Variants in ZC3H18 observed in about 807,000 individuals in gnomAD.
ZC3H18 encodes zinc finger CCCH domain-containing protein 18.
A neutral mutation model predicts 106.1 loss-of-function variants in ZC3H18; 8 were observed. That is an observed-to-expected ratio of 0.08 (90% CI 0.04 to 0.14). ZC3H18 has a LOEUF of 0.14. Ranked by LOEUF, ZC3H18 falls within the 10% of genes least tolerant of loss-of-function variation. The probability of loss-of-function intolerance (pLI) is 1.00; values close to 1 mark genes in which losing one functional copy is unlikely to be tolerated. For synonymous variants in ZC3H18, 635 were observed against 522.1 expected (o/e 1.22, Z -2.95); for missense variants, 1,318 against 1,278.4 (o/e 1.03, Z -0.47).
At chr16:88,615,031 C>A (rs1303959538) in intron 8 of ZC3H18, among the ~76,000 whole-genome samples, 1 of 149,104 alleles carries the variant, frequency 6.7e-6, no homozygotes, top group Non-Finnish European at 1.5e-5. Context: ...GTTTGACAGG[C>A]TGCCCCCACC....
At chr16:88,586,462 T>G in intron 2 of ZC3H18, 138 bp from the exon 3 acceptor site, 4 of 731,204 alleles carry the variant, frequency 5.5e-6, no homozygotes, top group Non-Finnish European at 7.2e-6. Flanking sequence ...GGACCTAAGA[T>G]TTGGAAAATT....
In ZC3H18 at chr16:88,596,185, G is replaced by C. The variant is rs935563990; in HGVS notation, c.689-1993G>C. 2.0e-5 allele frequency among the ~76,000 whole-genome samples: 3 copies of C among 152,158 alleles called. No homozygotes were observed. The South Asian group carries it at 6.2e-4, about 32-fold the overall frequency. On this transcript the variant is annotated intron_variant, in intron 3 of 17. Coordinates refer to ENST00000301011, the MANE Select transcript of ZC3H18 (RefSeq NM_144604.4). ...TCAGCTTGCTCTTTGGCGCTCACTG[G>C]TTTGTTCTCTTCTGCCTTGTTCCTC...
intron 2 of ZC3H18, among the ~76,000 whole-genome samples, chr16:88,584,214 G>C (rs1420859417): frequency 1.3e-5 from 2 of 152,190 alleles, no homozygotes; most frequent in South Asian, 2.1e-4. Context: ...CTGAGGTCAG[G>C]AGTTCAAGAC....
chr16:88,603,676 G>C (rs947349174), intron 6 of ZC3H18, among the ~76,000 whole-genome samples: 1 of 148,276 alleles, frequency 6.7e-6, no homozygotes, highest in African/African-American at 2.5e-5. Context: ...AGCGTGGAGT[G>C]CAGTGGCGCA....
At chr16:88,610,106 T>A (rs919894495) in intron 7 of ZC3H18, among the ~76,000 whole-genome samples, 5 of 152,086 alleles carry the variant, frequency 3.3e-5, no homozygotes, top group African/African-American at 1.2e-4. Flanking sequence ...GGAAGACTGG[T>A]CTATACTGAG....
Position 88,628,030 on chromosome 16 carries a change from C to T in ZC3H18, c.2380C>T (p.Pro794Ser), listed in dbSNP as rs771563844. Residue 794 changes from proline to serine, a missense_variant, in exon 15 of 18, where the codon CCC (proline) becomes TCC (serine). Coordinates refer to ENST00000301011, the MANE Select transcript of ZC3H18 (RefSeq NM_144604.4). ...PPAGGKSSQQPSTPQQAPPGQ... is the reference protein window; with the variant it reads ...PPAGGKSSQQSSTPQQAPPGQ... ...AGCAGGGGGGAAGTCCTCCCAGCAG[C>T]CCTCGACACCCCAGCAGGCACCCCC... is the stretch of plus-strand genomic sequence containing the variant. 6.2e-7 allele frequency: 1 copy of T among 1,614,174 alleles called. No homozygotes were observed.
chr16:88,578,529 TTTG>T (rs1036849878), intron 2 of ZC3H18, among the ~76,000 whole-genome samples: 13 of 148,084 alleles, frequency 8.8e-5, no homozygotes, highest in African/African-American at 2.2e-4. Context: ...GAACTGGGTT[TTTG>T]TTGTTTTTTT....
chr16:88,586,547 A>G (rs1915445857), intron 2 of ZC3H18, 53 bp from the exon 3 acceptor site: 1 of 1,441,892 alleles, frequency 6.9e-7, no homozygotes, highest in South Asian at 1.1e-5. Flanking sequence ...TGGAGAAAGC[A>G]GTGCTGATTG....
Position 88,627,841 on chromosome 16 carries a change from G to A in ZC3H18, c.2269+59G>A. 1.2e-6 allele frequency: 2 copies of A among 1,612,078 alleles called. No individual in the cohort carries two copies. The highest frequency in any genetic ancestry group is 8.5e-7 in the Non-Finnish European group (1 of 1,178,778). ...CTCCCGGGGGAGGAGGGCGGCATCA[G>A]CACAGACTTTGCCTGGCTGTTGGTG... On this transcript the variant is annotated intron_variant, in intron 14 of 17. Coordinates refer to ENST00000301011, the MANE Select transcript of ZC3H18 (RefSeq NM_144604.4). The surrounding 1 kb of genome is among the most constrained non-coding windows in gnomAD (Gnocchi z 4.5).
rs567961383 is a variant in ZC3H18 at position 88,590,137 on chromosome 16, G to A, written c.688+3453G>A. Among the ~76,000 whole-genome samples, 4 of 152,240 alleles carry A rather than the reference G, an allele frequency of 2.6e-5. No individual in the cohort carries two copies. The East Asian group carries it at 7.7e-4, about 29-fold the overall frequency. On this transcript the variant is annotated intron_variant, in intron 3 of 17. Transcript: ENST00000301011. Reference sequence around the variant, plus strand: ...ATCTTTCTTTTTTAAATTACTTGTAGAGATGGGATCTCACTATATTGCTCA... The same window carrying A: ...ATCTTTCTTTTTTAAATTACTTGTAAAGATGGGATCTCACTATATTGCTCA...
chr16:88,595,251 C>G (rs1489578425), intron 3 of ZC3H18, among the ~76,000 whole-genome samples: 4 of 152,222 alleles, frequency 2.6e-5, no homozygotes, highest in Admixed American at 6.5e-5. Context: ...AGAAATAGTA[C>G]TTAGACATTT....
intron 2 of ZC3H18, among the ~76,000 whole-genome samples, chr16:88,580,156 CTGTGTGTGTGTG>C (rs56406234): frequency 1.9e-4 from 24 of 126,962 alleles, no homozygotes; most frequent in South Asian, 1.6e-3. Context: ...ACAGGTTCAT[CTGTGTGTGTGTG>C]TGTGTGTGTG....
At position 88,590,564 on chromosome 16, in the gene ZC3H18, C is replaced by CTTTTTCTTT. The variant is rs1555534143; in HGVS notation, c.688+3885_688+3886insCTTTTTTTT. On this transcript the variant is annotated intron_variant, in intron 3 of 17. Coordinates refer to ENST00000301011, the MANE Select transcript of ZC3H18 (RefSeq NM_144604.4). ...TGTCCCACTTTGGGTTTCTTTATTT[C>CTTTTTCTTT]TTTTTTTTTTTTTTTTGAGACAGTG... is the stretch of plus-strand genomic sequence containing the variant. Among the ~76,000 whole-genome samples the CTTTTTCTTT allele has an allele frequency of 5.8e-4, 58 of 100,674 alleles. 1 individual carries two copies. The highest frequency in any genetic ancestry group is 9.9e-4 in the Non-Finnish European group (53 of 53,688). 66.0% of individuals were successfully genotyped at this position (100,674 alleles called of 152,430 possible).
At chr16:88,590,882 T>G (rs528959145) in intron 3 of ZC3H18, among the ~76,000 whole-genome samples, 2 of 151,552 alleles carry the variant, frequency 1.3e-5, no homozygotes, top group African/African-American at 2.4e-5. Context: ...TTCTGATTTA[T>G]CCCTCAGTGA....
At chr16:88,571,478 G>C (rs1198559308) in intron 1 of ZC3H18, 1 of 311,476 alleles carries the variant, frequency 3.2e-6, no homozygotes, top group African/African-American at 2.3e-5. Context: ...GTTTGACCTC[G>C]GCTGAATCCC....
intron 2 of ZC3H18, among the ~76,000 whole-genome samples, chr16:88,583,329 A>G (rs1176426100): frequency 6.6e-6 from 1 of 152,274 alleles, no homozygotes; most frequent in Non-Finnish European, 1.5e-5. Flanking sequence ...GTTACCAGTG[A>G]GGCGTTTCCT....
chr16:88,625,158 G>A, intron 12 of ZC3H18, 44 bp from the exon 13 acceptor site: 1 of 1,552,516 alleles, frequency 6.4e-7, no homozygotes, highest in Non-Finnish European at 8.7e-7. Flanking sequence ...GCGAGGGGCT[G>A]TGGAGGCCAC....
intron 2 of ZC3H18, among the ~76,000 whole-genome samples, chr16:88,585,018 G>C (rs1046726500): frequency 6.6e-6 from 1 of 152,214 alleles, no homozygotes; most frequent in Non-Finnish European, 1.5e-5. Flanking sequence ...AGAATACCAC[G>C]TTGAGATTTT....
chr16:88,622,935 G>A (rs1906056384), intron 9 of ZC3H18: 1 of 465,250 alleles, frequency 2.1e-6, no homozygotes, highest in Non-Finnish European at 3.9e-6. Context: ...CGTGAGCTGG[G>A]TCTGCCCACT....
Sources: gnomAD v4.1 joint callset for allele counts (sites outside exome capture counted in the v4.1 genomes callset) on GRCh38, gnomAD v4.1.1 for gene constraint, Gnocchi (gnomAD v3.1) non-coding constraint, MANE v1.5 for transcripts, NCBI Gene and HGNC (gene_info 2026-07-23, HGNC 2026-07-21) for gene names.